The following ZNF483 variants were observed in gnomAD, a reference collection of about 807,000 sequenced individuals.
ZNF483 encodes zinc finger protein HIT-10.
ZNF483 carries 9 observed loss-of-function variants against 28.6 expected under a neutral mutation model. The ratio of observed to expected loss-of-function variants is 0.32; its 90% CI spans 0.19 to 0.55. The LOEUF is 0.55. Ranked by LOEUF, ZNF483 falls within the 20% of genes least tolerant of loss-of-function variation. The probability of loss-of-function intolerance (pLI) is 0.93; values close to 1 mark genes in which losing one functional copy is unlikely to be tolerated. For missense variants in ZNF483, 675 were observed against 871.7 expected (o/e 0.77, Z 2.84); for synonymous variants, 322 against 306.2 (o/e 1.05, Z -0.54).
chr9:111,560,944 AATAT>A lies in ZNF483; in HGVS notation c.722-15393_722-15390del, dbSNP rs746101013. On this transcript the variant is annotated intron_variant, in intron 5 of 5. Coordinates refer to the ZNF483 transcript ENST00000358151. The stretch of plus-strand genomic sequence containing the variant: ...GGCAACAGAGTGAGACTCCATCTAA[AATAT>A]ATATATATATATATATATATATATA... 6.1e-3 allele frequency among the ~76,000 whole-genome samples: 190 copies of A among 31,204 alleles called. 18 individuals are homozygous for A. Among genetic ancestry groups the A allele is most frequent in the Non-Finnish European group, 7.8e-3 (136 of 17,504 alleles). 20.5% of individuals were successfully genotyped at this position (31,204 alleles called of 152,430 possible). A position where few individuals can be genotyped will look rare whatever the true frequency, so the allele number is the denominator to read the frequency against.
intron 5 of ZNF483, among the ~76,000 whole-genome samples, chr9:111,564,881 T>C (rs1177529805): frequency 6.6e-6 from 1 of 151,848 alleles, no homozygotes; most frequent in Non-Finnish European, 1.5e-5. Flanking sequence ...CCCAGCACTT[T>C]GGGAGGCTGA....
At chr9:111,529,533 C>G (rs780464605) in intron 2 of ZNF483, among the ~76,000 whole-genome samples, 51 of 152,180 alleles carry the variant, frequency 3.4e-4, no homozygotes, top group Non-Finnish European at 6.3e-4. Context: ...TGCTTTCATT[C>G]AGTTAGCAGG....
In ZNF483 at chr9:111,548,342, C is replaced by T. The variant is rs1194832653; in HGVS notation, c.*5172C>T. On this transcript the variant is annotated 3_prime_UTR_variant, in exon 6 of 6. Coordinates refer to ENST00000309235, the MANE Select transcript of ZNF483 (RefSeq NM_133464.5). ...TTTTTCAGCAATGTGTTACAGTTGT[C>T]ATTGTACAAGTCTTTTGCCTCCTTG... Among the ~76,000 whole-genome samples, 1 of 152,152 alleles carries T rather than the reference C, an allele frequency of 6.6e-6. No individual in the cohort carries two copies. The highest frequency in any genetic ancestry group is 6.5e-5 in the Admixed American group (1 of 15,268).
chr9:111,558,655 G>A (rs775247107), downstream of ZNF483, among the ~76,000 whole-genome samples: 7 of 152,212 alleles, frequency 4.6e-5, no homozygotes, highest in Non-Finnish European at 7.3e-5. Flanking sequence ...TGCTATTGGA[G>A]TGTCACTACT....
At chr9:111,527,036 A>T (rs1049167775) in intron 1 of ZNF483, among the ~76,000 whole-genome samples, 2 of 152,082 alleles carry the variant, frequency 1.3e-5, no homozygotes, top group Non-Finnish European at 2.9e-5. Context: ...GCCGGGGCAG[A>T]GGTTGCAGTG....
At chr9:111,558,484 C>A (rs1828186758), downstream of ZNF483, among the ~76,000 whole-genome samples, 2 of 152,092 alleles carry the variant, frequency 1.3e-5, no homozygotes, top group Non-Finnish European at 2.9e-5. Context: ...TTGAAGTCAG[C>A]CTGGACAACA....
Position 111,552,952 on chromosome 9 carries a change from T to A in ZNF483, c.*9782T>A, listed in dbSNP as rs1369128209. 6.6e-6 allele frequency among the ~76,000 whole-genome samples: 1 copy of A among 152,194 alleles called. No homozygotes were observed. The highest frequency in any genetic ancestry group is 1.5e-5 in the Non-Finnish European group (1 of 68,024). ...ATACGATAAAGTGATAATTTCTTCA[T>A]CTCTCCATCTAAGGTTCTTTGTAGA... On this transcript the variant is annotated 3_prime_UTR_variant, in exon 6 of 6. Transcript: ENST00000309235.
At chr9:111,534,718 C>CTTTTTTTTTTTTTTTTTTTTT (rs67740162) in intron 5 of ZNF483, among the ~76,000 whole-genome samples, 1 of 88,130 alleles carries the variant, frequency 1.1e-5, no homozygotes, top group Non-Finnish European at 2.2e-5. Flanking sequence ...GTCGTTCTAT[C>CTTTTTTTTTTTTTTTTTTTTT]TTTTTTTTTT....
chr9:111,533,971 AC>A, intron 4 of ZNF483, 106 bp downstream of exon 4: 1 of 1,375,846 alleles, frequency 7.3e-7, no homozygotes, highest in Non-Finnish European at 1.0e-6. Context: ...TTGGCTGGGG[AC>A]CCAGGGACTG....
chr9:111,567,984 GT>G (rs1564611952), intron 5 of ZNF483, among the ~76,000 whole-genome samples: 2 of 152,210 alleles, frequency 1.3e-5, no homozygotes, highest in Admixed American at 6.5e-5. Context: ...AGCTGAGGAT[GT>G]ATGTCACCTC....
chr9:111,534,929 T>A (rs928893733), intron 5 of ZNF483, among the ~76,000 whole-genome samples: 10 of 152,010 alleles, frequency 6.6e-5, no homozygotes, highest in Non-Finnish European at 1.2e-4. Flanking sequence ...TTCACCATGT[T>A]GTCCAGGCTA....
At chr9:111,531,179 A>G (rs1459720484) in intron 3 of ZNF483, among the ~76,000 whole-genome samples, 1 of 152,026 alleles carries the variant, frequency 6.6e-6, no homozygotes, top group Non-Finnish European at 1.5e-5. Flanking sequence ...CCTGGGCAAC[A>G]GAGCAAGACC....
At chr9:111,533,987 G>A in intron 4 of ZNF483, 122 bp downstream of exon 4, 1 of 1,216,422 alleles carries the variant, frequency 8.2e-7, no homozygotes. Context: ...GGACTGATAG[G>A]ACTAATCCTA....
chr9:111,574,638 T>C, intron 5 of ZNF483: 1 of 778,582 alleles, frequency 1.3e-6, no homozygotes, highest in Non-Finnish European at 2.0e-6. Flanking sequence ...TGAAAATCTT[T>C]CTAATAATTT....
downstream of ZNF483, among the ~76,000 whole-genome samples, chr9:111,559,782 C>G (rs1013871922): frequency 1.3e-5 from 2 of 152,164 alleles, no homozygotes; most frequent in African/African-American, 4.8e-5. Flanking sequence ...TTGCTTGGCT[C>G]CTTCTAATGT....
intron 5 of ZNF483, among the ~76,000 whole-genome samples, chr9:111,537,145 C>T (rs1444350240): frequency 2.6e-5 from 4 of 151,960 alleles, no homozygotes; most frequent in South Asian, 4.1e-4. Context: ...AGGAGGGAAC[C>T]GCAAGAGATC....
intron 5 of ZNF483, among the ~76,000 whole-genome samples, chr9:111,564,740 G>C (rs1342991680): frequency 6.6e-6 from 1 of 152,166 alleles, no homozygotes; most frequent in Admixed American, 6.5e-5. Context: ...GGACTGAATT[G>C]TATGCCCCCA....
chr9:111,574,734 C>A, intron 5 of ZNF483: 1 of 1,609,668 alleles, frequency 6.2e-7, no homozygotes, highest in Non-Finnish European at 8.5e-7. Flanking sequence ...TGCTCATTAC[C>A]TGGGGGAAGT....
Position 111,543,469 on chromosome 9 carries a change from G to A in ZNF483, c.*299G>A. The A allele has an allele frequency of 9.2e-7, 1 of 1,089,106 alleles. No individual in the cohort carries two copies. Among genetic ancestry groups the A allele is most frequent in the East Asian group, 6.3e-5 (1 of 15,962 alleles). 67.5% of individuals were successfully genotyped at this position (1,089,106 alleles called of 1,614,324 possible). A position where few individuals can be genotyped will look rare whatever the true frequency, so the allele number is the denominator to read the frequency against. ...CTGATTTCTTCTACTACCATGTAGT[G>A]TGATGGAGAGAACTTGACTGCAGTC... is the stretch of plus-strand genomic sequence containing the variant. On this transcript the variant is annotated 3_prime_UTR_variant, in exon 6 of 6. Coordinates refer to ENST00000309235, the MANE Select transcript of ZNF483 (RefSeq NM_133464.5).
Sources: allele counts gnomAD v4.1 joint callset (sites outside exome capture counted in the v4.1 genomes callset), GRCh38; gene constraint gnomAD v4.1.1; transcripts MANE v1.5; gene names NCBI Gene and HGNC (gene_info 2026-07-23, HGNC 2026-07-21).